The following PRKD1 variants were observed in gnomAD, a reference collection of about 807,000 sequenced individuals.
PRKD1 encodes the protein serine/threonine-protein kinase D1.
A neutral mutation model predicts 95.9 loss-of-function variants in PRKD1; 63 were observed. That is an observed-to-expected ratio of 0.66 (90% CI 0.54 to 0.81). The LOEUF is 0.81. Ranked by LOEUF, PRKD1 falls within the 30% of genes least tolerant of loss-of-function variation. The pLI is 0.00. For synonymous variants in PRKD1, 425 were observed against 423.1 expected (o/e 1.00, Z -0.05); for missense variants, 1,048 against 1,165.3 (o/e 0.90, Z 1.47).
At chr14:29,900,165 C>T (rs988097256) in intron 1 of PRKD1, among the ~76,000 whole-genome samples, 4 of 152,126 alleles carry the variant, frequency 2.6e-5, no homozygotes, top group African/African-American at 7.2e-5. Flanking sequence ...GTAAGTGTTC[C>T]ATAGATGTTA....
intron 1 of PRKD1, among the ~76,000 whole-genome samples, chr14:29,814,316 C>T (rs1010385988): frequency 1.2e-4 from 19 of 152,168 alleles, no homozygotes; most frequent in African/African-American, 7.2e-5. Context: ...CCAGGTGTGG[C>T]AAATTACTGC....
intron 1 of PRKD1, among the ~76,000 whole-genome samples, chr14:29,756,460 T>C (rs1286008200): frequency 1.3e-5 from 2 of 152,196 alleles, no homozygotes; most frequent in South Asian, 2.1e-4. Flanking sequence ...GCATATTTAA[T>C]AGTTCATCTC....
intron 16 of PRKD1, among the ~76,000 whole-genome samples, chr14:29,588,712 C>G (rs1007701818): frequency 6.6e-6 from 1 of 151,600 alleles, no homozygotes; most frequent in African/African-American, 2.4e-5. Flanking sequence ...GCCTTTAGTT[C>G]CTTCAGTGCA....
At chr14:29,781,531 G>A (rs1889043623) in intron 1 of PRKD1, among the ~76,000 whole-genome samples, 1 of 152,198 alleles carries the variant, frequency 6.6e-6, no homozygotes, top group African/African-American at 2.4e-5. Flanking sequence ...AATAGTCAGG[G>A]AGGCACCTGC....
intron 1 of PRKD1, among the ~76,000 whole-genome samples, chr14:29,774,963 G>C (rs573839741): frequency 3.9e-5 from 6 of 152,294 alleles, no homozygotes; most frequent in Non-Finnish European, 8.8e-5. Flanking sequence ...AGAAGTTGTA[G>C]TTATAATGCC....
At chr14:29,728,918 A>T (rs1886302347) in intron 1 of PRKD1, among the ~76,000 whole-genome samples, 1 of 152,134 alleles carries the variant, frequency 6.6e-6, no homozygotes, top group Non-Finnish European at 1.5e-5. Context: ...TCAGGTAGTG[A>T]GAGCCTTCCA....
chr14:29,870,426 T>C (rs1330818952), intron 1 of PRKD1, among the ~76,000 whole-genome samples: 1 of 152,210 alleles, frequency 6.6e-6, no homozygotes, highest in African/African-American at 2.4e-5. Context: ...TGATTTGCCT[T>C]GATAAGCATG....
chr14:29,646,767 C>CAA (rs1566510954), intron 4 of PRKD1, among the ~76,000 whole-genome samples: 91 of 150,018 alleles, frequency 6.1e-4, no homozygotes, highest in African/African-American at 2.1e-3. Context: ...AAAAAAAAAC[C>CAA]CACACAGTCA....
At chr14:29,646,569 A>C (rs942820765) in intron 4 of PRKD1, among the ~76,000 whole-genome samples, 2 of 143,586 alleles carry the variant, frequency 1.4e-5, no homozygotes, top group Non-Finnish European at 3.1e-5. Context: ...AGATAGATAG[A>C]TAAATTTTTT....
intron 1 of PRKD1, among the ~76,000 whole-genome samples, chr14:29,810,104 T>C (rs965149195): frequency 2.0e-5 from 3 of 152,176 alleles, no homozygotes; most frequent in Non-Finnish European, 4.4e-5. Flanking sequence ...CGCTGTCTTA[T>C]ATGGGCACAA....
intron 16 of PRKD1, among the ~76,000 whole-genome samples, chr14:29,583,424 G>A (rs1892812873): frequency 6.6e-6 from 1 of 152,162 alleles, no homozygotes; most frequent in African/African-American, 2.4e-5. Context: ...TGTTCCTGAA[G>A]GACACAGGAG....
rs544043363 is a variant in PRKD1, at chr14:29,648,266, T to C, written c.697-9362A>G. Reference sequence around the variant, plus strand: ...CTTCAATCCCCCCTTTGGTGCTCTGTATAAATGATGTTTAATAAAGAGCAC... The same window carrying C: ...CTTCAATCCCCCCTTTGGTGCTCTGCATAAATGATGTTTAATAAAGAGCAC... On this transcript the variant is annotated intron_variant, in intron 4 of 17. Coordinates refer to ENST00000331968, the MANE Select transcript of PRKD1 (RefSeq NM_002742.3). Among the ~76,000 whole-genome samples, 5 of 152,094 alleles carry C rather than the reference T, an allele frequency of 3.3e-5. No homozygotes were observed. In the East Asian group the frequency reaches 9.7e-4, roughly 29 times the overall value.
chr14:29,750,480 A>T (rs1325140088), intron 1 of PRKD1, among the ~76,000 whole-genome samples: 1 of 152,146 alleles, frequency 6.6e-6, no homozygotes, highest in Non-Finnish European at 1.5e-5. Context: ...ATGAAGAAAA[A>T]CAAGTAAGAT....
At chr14:29,815,607 T>C (rs1308151493) in intron 1 of PRKD1, among the ~76,000 whole-genome samples, 12 of 152,232 alleles carry the variant, frequency 7.9e-5, no homozygotes, top group Admixed American at 3.9e-4. Context: ...TCTTGTAACA[T>C]CCACCCTTTC....
At chr14:29,923,303 T>C (rs538656547) in intron 1 of PRKD1, among the ~76,000 whole-genome samples, 4 of 150,370 alleles carry the variant, frequency 2.7e-5, no homozygotes, top group African/African-American at 9.8e-5. Flanking sequence ...TCAGTAGACA[T>C]ATAATATAGC....
intron 1 of PRKD1, among the ~76,000 whole-genome samples, chr14:29,760,103 C>T (rs1346206175): frequency 1.3e-5 from 2 of 152,130 alleles, no homozygotes; most frequent in Non-Finnish European, 2.9e-5. Context: ...TGTATGATGG[C>T]AGTTTTCAAT....
At chr14:29,708,855 C>T (rs924760723) in intron 2 of PRKD1, among the ~76,000 whole-genome samples, 3 of 152,030 alleles carry the variant, frequency 2.0e-5, no homozygotes, top group African/African-American at 4.8e-5. Context: ...AGAGCAAGTC[C>T]CTGTCTCAAA....
chr14:29,846,823 A>T (rs942563725), intron 1 of PRKD1, among the ~76,000 whole-genome samples: 2 of 152,226 alleles, frequency 1.3e-5, no homozygotes, highest in Admixed American at 6.5e-5. Context: ...GTTGGGATAC[A>T]TTGTAAAGAT....
intron 1 of PRKD1, among the ~76,000 whole-genome samples, chr14:29,826,176 G>C (rs1329919931): frequency 7.3e-6 from 1 of 136,370 alleles, no homozygotes; most frequent in Non-Finnish European, 1.6e-5. Flanking sequence ...ATATATGATG[G>C]AATATATATA....
Sources: allele counts gnomAD v4.1 joint callset (sites outside exome capture counted in the v4.1 genomes callset), GRCh38; gene constraint gnomAD v4.1.1; transcripts MANE v1.5; gene names NCBI Gene and HGNC (gene_info 2026-07-23, HGNC 2026-07-21).